Variants in CAMTA1 observed in about 807,000 individuals in gnomAD.
CAMTA1 encodes calmodulin-binding transcription activator 1.
In CAMTA1, 27 loss-of-function variants were observed where a neutral mutation model predicts 170.9. The ratio of observed to expected loss-of-function variants is 0.16; its 90% CI spans 0.12 to 0.22. CAMTA1 has a LOEUF of 0.22. Among genes scored for constraint, CAMTA1 ranks in the 10% least tolerant of loss-of-function variants. The pLI is 1.00. For synonymous variants in CAMTA1, 833 were observed against 891.5 expected (o/e 0.93, Z 1.17); for missense variants, 1,619 against 2,217.2 (o/e 0.73, Z 5.42).
chr1:7,519,198 G>A (rs367903808), intron 6 of CAMTA1, among the ~76,000 whole-genome samples: 16 of 152,194 alleles, frequency 1.1e-4, no homozygotes, highest in Admixed American at 6.5e-4. Flanking sequence ...CCCTGATGCC[G>A]GCTGGCACAG....
At chr1:7,226,206 G>A (rs1172849868) in intron 4 of CAMTA1, among the ~76,000 whole-genome samples, 2 of 152,278 alleles carry the variant, frequency 1.3e-5, no homozygotes, top group Middle Eastern at 3.4e-3. Context: ...TGCAGTAAAA[G>A]GAGGTGACAC....
chr1:7,364,221 C>T (rs992397522), intron 5 of CAMTA1, among the ~76,000 whole-genome samples: 2 of 152,160 alleles, frequency 1.3e-5, no homozygotes, highest in African/African-American at 2.4e-5. Flanking sequence ...CTGCAGGCAG[C>T]GAGACCAGCG....
intron 6 of CAMTA1, among the ~76,000 whole-genome samples, chr1:7,613,587 T>C (rs1054907863): frequency 6.6e-6 from 1 of 152,042 alleles, no homozygotes; most frequent in Non-Finnish European, 1.5e-5. Flanking sequence ...TGGTGACAAA[T>C]TGGGGACAAG....
intron 11 of CAMTA1, among the ~76,000 whole-genome samples, chr1:7,720,360 G>T (rs536207896): frequency 6.6e-6 from 1 of 152,198 alleles, no homozygotes; most frequent in East Asian, 1.9e-4. Context: ...AAAGTTAGGG[G>T]TTGGGTGGTT....
chr1:7,521,884 A>T (rs1272799344), intron 6 of CAMTA1, among the ~76,000 whole-genome samples: 1 of 152,182 alleles, frequency 6.6e-6, no homozygotes, highest in South Asian at 2.1e-4. Flanking sequence ...GAGTTATTCC[A>T]TGTTATGGAT....
chr1:7,241,438 T>C (rs1664840133), intron 4 of CAMTA1, among the ~76,000 whole-genome samples: 1 of 152,232 alleles, frequency 6.6e-6, no homozygotes, highest in African/African-American at 2.4e-5. Context: ...CCTCAGAAAT[T>C]GTCAAGCTAA....
rs1261057983 is a variant in CAMTA1 at position 7,592,470 on chromosome 1, G to A, written c.511-47930G>A. Among the ~76,000 whole-genome samples the A allele has an allele frequency of 8.5e-5, 13 of 152,168 alleles. No individual in the cohort carries two copies. Among genetic ancestry groups the A allele is most frequent in the Admixed American group, 8.5e-4 (13 of 15,280 alleles). ...AGATATTCATGGAGTGATTGAATTG[G>A]TGATGATTCCAAGCATGAGACATAG... On this transcript the variant is annotated intron_variant, in intron 6 of 22. Transcript: ENST00000303635. This position sits in a 1 kb window ranked among gnomAD's most constrained non-coding sequence, Gnocchi z 4.6.
intron 5 of CAMTA1, among the ~76,000 whole-genome samples, chr1:7,294,600 C>G (rs1673651142): frequency 6.6e-6 from 1 of 152,234 alleles, no homozygotes; most frequent in African/African-American, 2.4e-5. Context: ...CCACTTTGCT[C>G]TCGTTCAGCT....
At chr1:7,574,197 A>C (rs1316721638) in intron 6 of CAMTA1, among the ~76,000 whole-genome samples, 1 of 132,058 alleles carries the variant, frequency 7.6e-6, no homozygotes, top group Admixed American at 6.9e-5. Flanking sequence ...AGAAAGACAC[A>C]ACACCATGTG....
intron 3 of CAMTA1, among the ~76,000 whole-genome samples, chr1:7,018,144 T>TTTTTTTTTTTTTTTTTAG: frequency 6.6e-6 from 1 of 151,458 alleles, no homozygotes; most frequent in East Asian, 1.9e-4. Flanking sequence ...CAGGGCTTTT[T>TTTTTTTTTTTTTTTTTAG]AACAGATGGT....
intron 4 of CAMTA1, among the ~76,000 whole-genome samples, chr1:7,222,266 C>T (rs553161364): frequency 6.6e-6 from 1 of 152,246 alleles, no homozygotes; most frequent in African/African-American, 2.4e-5. Context: ...TTTCTGTGCT[C>T]GTCTGGGTGA....
At chr1:7,303,927 A>C (rs1403219498) in intron 5 of CAMTA1, among the ~76,000 whole-genome samples, 1 of 152,172 alleles carries the variant, frequency 6.6e-6, no homozygotes, top group Non-Finnish European at 1.5e-5. Context: ...CAAGTCCTAA[A>C]AGCTTTGTAC....
At chr1:7,545,326 C>T (rs1218488555) in intron 6 of CAMTA1, among the ~76,000 whole-genome samples, 1 of 152,220 alleles carries the variant, frequency 6.6e-6, no homozygotes, top group Non-Finnish European at 1.5e-5. Flanking sequence ...AACATTTTCT[C>T]TGACAAAACC....
At chr1:7,229,267 T>G (rs1662250699) in intron 4 of CAMTA1, among the ~76,000 whole-genome samples, 1 of 150,702 alleles carries the variant, frequency 6.6e-6, no homozygotes, top group African/African-American at 2.4e-5. Context: ...TTCCCAGATT[T>G]GTAGAGGTTG....
At position 7,659,554 on chromosome 1, in the gene CAMTA1, A is replaced by G. The variant is rs372866584; in HGVS notation, c.665-2172A>G. The stretch of plus-strand genomic sequence containing the variant: ...GTCTCAAAAAAAAGAAGAAGAAAAG[A>G]AAAACCATCAGAGTTATAATTAAAG... On this transcript the variant is annotated intron_variant, in intron 7 of 22. Transcript: ENST00000303635. Among the ~76,000 whole-genome samples, 44 of 152,230 alleles carry G rather than the reference A, an allele frequency of 2.9e-4. 1 individual carries two copies. The highest frequency in any genetic ancestry group is 1.4e-3 in the East Asian group (7 of 5,176).
chr1:7,103,372 T>A (rs530190552), intron 4 of CAMTA1, among the ~76,000 whole-genome samples: 1 of 137,856 alleles, frequency 7.3e-6, no homozygotes, highest in East Asian at 2.3e-4. Context: ...CACACATATA[T>A]ACACAACTAC....
At chr1:7,298,282 C>T (rs1291498931) in intron 5 of CAMTA1, among the ~76,000 whole-genome samples, 1 of 152,020 alleles carries the variant, frequency 6.6e-6, no homozygotes, top group African/African-American at 2.4e-5. Context: ...ACAGTAGGGG[C>T]TGCATTGTCA....
Position 7,093,695 on chromosome 1 carries a change from G to T in CAMTA1, c.302+2324G>T, listed in dbSNP as rs1354981765. On this transcript the variant is annotated intron_variant, in intron 4 of 22. Coordinates refer to ENST00000303635, the MANE Select transcript of CAMTA1 (RefSeq NM_015215.4). The surrounding 1 kb of genome is among the most constrained non-coding windows in gnomAD (Gnocchi z 4.6). ...ACTCAGGGTCATGCCTGACTCGCAT[G>T]ACTTTCTGGAATATACATAGAGCCA... Among the ~76,000 whole-genome samples the T allele has an allele frequency of 1.3e-5, 2 of 152,130 alleles. No individual in the cohort carries two copies. The highest frequency in any genetic ancestry group is 2.9e-5 in the Non-Finnish European group (2 of 68,026).
At chr1:6,884,291 G>GACACACAC (rs112571156) in intron 3 of CAMTA1, among the ~76,000 whole-genome samples, 6,662 of 136,504 alleles carry the variant, frequency 0.049, 266 homozygotes, top group Admixed American at 0.13. Context: ...ATTCTCTAGA[G>GACACACAC]ACACACACAC....
Sources: allele counts gnomAD v4.1 joint callset (sites outside exome capture counted in the v4.1 genomes callset), GRCh38; gene constraint gnomAD v4.1.1; non-coding constraint Gnocchi (gnomAD v3.1); transcripts MANE v1.5; gene names NCBI Gene and HGNC (gene_info 2026-07-23, HGNC 2026-07-21).